Variants in HNRNPK observed in about 807,000 individuals in gnomAD.
The protein encoded by HNRNPK is dC-stretch binding protein.
Under a neutral mutation model 67.0 loss-of-function variants are expected in HNRNPK, and 7 were observed. The observed-to-expected ratio is 0.10, with a 90% CI of 0.06 to 0.20. The LOEUF (loss-of-function observed/expected upper bound fraction) is 0.20. HNRNPK is among the 10% of genes least tolerant of loss of function. The pLI is 1.00. For synonymous variants in HNRNPK, 213 were observed against 193.7 expected, an observed-to-expected ratio of 1.10 and a Z score of -0.83; for missense variants, 264 against 606.5, an observed-to-expected ratio of 0.44 and a Z score of 5.93.
rs1009455022 is a variant in HNRNPK, at chr9:83,968,819, ATTAAAC to A, written c.*582_*587del. 2 of 153,244 alleles carry A rather than the reference ATTAAAC, an allele frequency of 1.3e-5. No homozygotes were observed. The highest frequency in any genetic ancestry group is 2.9e-5 in the Non-Finnish European group (2 of 68,498). 9.5% of individuals were successfully genotyped at this position (153,244 alleles called of 1,614,324 possible). On this transcript the variant is annotated 3_prime_UTR_variant, in exon 17 of 17. Transcript: ENST00000376263. ...TATATGTCCAACAGAGGAGCTGAAA[ATTAAAC>A]TTAGTGTTTAGTTTGGGGGTGGGTT...
At chr9:83,979,021 G>A (rs759178850) in intron 1 of HNRNPK, among the ~76,000 whole-genome samples, 10 of 152,150 alleles carry the variant, frequency 6.6e-5, no homozygotes, top group Non-Finnish European at 8.8e-5. Context: ...GAAACAAATG[G>A]AGCCCTTGAA....
chr9:83,971,723 G>A lies in HNRNPK; in HGVS notation c.957C>T (p.Asp319=), dbSNP rs1345627270. 6.2e-7 allele frequency: 1 copy of A among 1,613,358 alleles called. No individual in the cohort carries two copies. The highest frequency in any genetic ancestry group is 2.2e-5 in the East Asian group (1 of 44,896). ...LPPPPPPRGG[D]LMAYDRRGRP... is the part of the protein sequence containing the mutation. ...TCCCTCTTCTGTCATAGGCCATGAGGTCTCTGCAAGCATAGTACTTGTTGT... is the reference window on the plus strand; with the variant it reads ...TCCCTCTTCTGTCATAGGCCATGAGATCTCTGCAAGCATAGTACTTGTTGT... The change falls in exon 12 of 17, where the codon GAC becomes GAT. Residue 319 remains aspartate, a synonymous_variant. Transcript: ENST00000376263.
At chr9:83,978,351 A>G in intron 2 of HNRNPK, 22 bp downstream of exon 2, 1 of 1,495,902 alleles carries the variant, frequency 6.7e-7, no homozygotes, top group Middle Eastern at 2.5e-4. Context: ...AAAAAAAAAA[A>G]GACATTGCTT....
At chr9:83,975,761 T>A (rs1029574652) in intron 5 of HNRNPK, 2 of 560,422 alleles carry the variant, frequency 3.6e-6, no homozygotes, top group Non-Finnish European at 6.4e-6. Context: ...CAATAAATTT[T>A]AATTTAATAC....
At position 83,968,253 on chromosome 9, in the gene HNRNPK, A is replaced by G. The variant is rs557619812; in HGVS notation, c.*1154T>C. On this transcript the variant is annotated 3_prime_UTR_variant, in exon 17 of 17. Coordinates refer to ENST00000376263, the MANE Select transcript of HNRNPK (RefSeq NM_031263.4). ...CAAATGCCAAGATACTACACAAAAC[A>G]TCCACAGGAACTTTTTTCATCTTTT... 6.6e-6 allele frequency: 1 copy of G among 152,234 alleles called. No individual in the cohort carries two copies. The highest frequency in any genetic ancestry group is 1.5e-5 in the Non-Finnish European group (1 of 67,946). 9.4% of individuals were successfully genotyped at this position (152,234 alleles called of 1,614,324 possible).
chr9:83,978,540 C>G (rs754004106), intron 1 of HNRNPK, 88 bp from the exon 2 acceptor site: 4 of 291,064 alleles, frequency 1.4e-5, no homozygotes, highest in Admixed American at 5.4e-5. Context: ...CTGATTTGAA[C>G]CCAAAAAACC....
At chr9:83,970,132 A>C (rs1956761247) in intron 16 of HNRNPK, 30 bp downstream of exon 16, 9 of 1,572,648 alleles carry the variant, frequency 5.7e-6, no homozygotes, top group Non-Finnish European at 7.8e-6. Context: ...TAGTATGTAT[A>C]AGCTAACACA....
chr9:83,975,892 T>A (rs1387889362), intron 5 of HNRNPK: 1 of 183,404 alleles, frequency 5.5e-6, no homozygotes, highest in Non-Finnish European at 1.2e-5. Context: ...GGTTCTAGCC[T>A]TTTTTATTTT....
chr9:83,977,753 T>G lies in HNRNPK; in HGVS notation c.92A>C (p.Gln31Pro). The G allele has an allele frequency of 6.2e-7, 1 of 1,609,660 alleles. No individual in the cohort carries two copies. Among genetic ancestry groups the G allele is most frequent in the Non-Finnish European group, 8.5e-7 (1 of 1,176,572 alleles). ...AGTGTTTCTAGATCTTTTAAATGCT[T>G]GTTCCTCTTCCATATCTTCTGCAGG... The part of the protein sequence containing the change: ...KRPAEDMEEE[Q>P]AFKRSRNTDE... Residue 31 changes from glutamine (Q) to proline (P), a missense_variant, in exon 4 of 17, where the codon CAA (glutamine) becomes CCA (proline). Around this residue, in one of 6 missense-constraint regions of HNRNPK, gnomAD observed 32 missense variants for 45.6 expected, o/e 0.70. Transcript: ENST00000376263.
At chr9:83,974,679 CAG>C (rs1956998032) in intron 6 of HNRNPK, 90 bp from the exon 7 acceptor site, 2 of 804,520 alleles carry the variant, frequency 2.5e-6, no homozygotes, top group South Asian at 1.5e-5. Flanking sequence ...CAAACTTTCA[CAG>C]AGATGTAACA....
intron 13 of HNRNPK, 180 bp from the exon 14 acceptor site, chr9:83,971,092 C>A: frequency 1.4e-6 from 1 of 726,366 alleles, no homozygotes; most frequent in Non-Finnish European, 2.4e-6. Context: ...TGAGTGAGCA[C>A]CACTGCACCC....
rs1956801077 is a variant in HNRNPK at position 83,970,907 on chromosome 9, G to A, written c.1098C>T (p.Gly366=). The A allele has an allele frequency of 1.9e-6, 3 of 1,612,800 alleles. No individual in the cohort carries two copies. The highest frequency in any genetic ancestry group is 2.5e-6 in the Non-Finnish European group (3 of 1,178,930). ...EWQMAYEPQG[G]SGYDYSYAGG... The stretch of plus-strand genomic sequence containing the variant: ...AAGGAGAGAACTTACCATATCCGGA[G>A]CCACCCTAAAAACAGAAAGAAAAAA... Residue 366 remains glycine, a synonymous_variant, in exon 14 of 17, where the codon GGC becomes GGT. Coordinates refer to ENST00000376263, the MANE Select transcript of HNRNPK (RefSeq NM_031263.4).
Position 83,970,804 on chromosome 9 carries a change from C to T in HNRNPK, c.1124G>A (p.Gly375Glu). The T allele has an allele frequency of 1.2e-6, 2 of 1,610,512 alleles. No individual in the cohort carries two copies. The highest frequency in any genetic ancestry group is 1.7e-6 in the Non-Finnish European group (2 of 1,177,402). Residue 375 changes from glycine to glutamate, a missense_variant, in exon 15 of 17, where the codon GGG (glycine) becomes GAG (glutamate). By Grantham distance (98) the Gly-to-Glu change is moderately conservative. Around this residue, in one of 6 missense-constraint regions of HNRNPK, gnomAD observed 142 missense variants for 256.5 expected, o/e 0.55. Transcript: ENST00000376263. ...AAGATCACCATATGAGCCACGACCC[C>T]CTGCATAGGAATAATCTGATTTAAA... The part of the protein sequence containing the change: ...GGSGYDYSYA[G>E]GRGSYGDLGG...
chr9:83,969,678 A>G (rs1413522944), intron 16 of HNRNPK: 1 of 609,826 alleles, frequency 1.6e-6, no homozygotes, highest in Non-Finnish European at 3.0e-6. Context: ...AGTTGTTAAT[A>G]TTTGGTAGAA....
intron 5 of HNRNPK, 105 bp from the exon 6 acceptor site, chr9:83,975,610 T>A: frequency 1.0e-6 from 1 of 981,650 alleles, no homozygotes; most frequent in Non-Finnish European, 1.7e-6. Flanking sequence ...TTTTTGGGCA[T>A]AGCCAACCAG....
At chr9:83,973,472 A>AT in intron 8 of HNRNPK, 73 bp from the exon 9 acceptor site, 1 of 846,368 alleles carries the variant, frequency 1.2e-6, no homozygotes, top group Non-Finnish European at 2.1e-6. Context: ...TGCTATAAGC[A>AT]TAACAATAAT....
At chr9:83,969,744 T>C (rs769507891) in intron 16 of HNRNPK, 1 of 655,126 alleles carries the variant, frequency 1.5e-6, no homozygotes, top group South Asian at 1.4e-5. Flanking sequence ...ACCAATCATT[T>C]GTCCTGTAGA....
rs752129328 is a variant in HNRNPK at position 83,973,981 on chromosome 9, T to C, written c.331-8A>G. On this transcript the variant is annotated splice_polypyrimidine_tract_variant and splice_region_variant and intron_variant, in intron 7 of 16. Coordinates refer to ENST00000376263, the MANE Select transcript of HNRNPK (RefSeq NM_031263.4). ...TGATGGCAACTGCAGGCCCTGAAAG[T>C]AGAAAAATAAGAGTAATAGGTTAAG... The C allele has an allele frequency of 3.7e-6, 6 of 1,607,770 alleles. No homozygotes were observed. The highest frequency in any genetic ancestry group is 1.3e-5 in the African/African-American group (1 of 74,778).
chr9:83,977,092 C>T (rs777878690), intron 4 of HNRNPK, 41 bp from the exon 5 acceptor site: 2 of 1,437,752 alleles, frequency 1.4e-6, no homozygotes, highest in Non-Finnish European at 2.0e-6. Flanking sequence ...TTGCCTTTCC[C>T]TAAAATTAAT....
Sources: gnomAD v4.1 joint callset for allele counts (sites outside exome capture counted in the v4.1 genomes callset) on GRCh38, gnomAD v4.1.1 for gene constraint, gnomAD v4.1.1 regional missense constraint, MANE v1.5 for transcripts, NCBI Gene and HGNC (gene_info 2026-07-23, HGNC 2026-07-21) for gene names.